C4orf51: variants seen among roughly 807,000 people sequenced by gnomAD.
C4orf51 encodes chromosome 4 open reading frame 51, also known as uncharacterized protein C4orf51.
A neutral mutation model predicts 25.2 loss-of-function variants in C4orf51; 25 were observed. The ratio of observed to expected loss-of-function variants is 0.99; its 90% CI spans 0.72 to 1.39. The LOEUF is 1.39. Ranked by LOEUF, C4orf51 falls within the 40% of genes most tolerant of loss-of-function variation. The pLI is 0.00. For missense variants in C4orf51, 252 were observed against 239.6 expected (o/e 1.05, Z -0.34); for synonymous variants, 100 against 84.5 (o/e 1.18, Z -1.01).
chr4:145,759,117 T>G (rs144217933), downstream of C4orf51: 130 of 152,342 alleles, frequency 8.5e-4, no homozygotes, highest in African/African-American at 3.0e-3. Context: ...ATGTTCCTCC[T>G]GTACACCAGT....
chr4:145,764,446 T>A (rs960495110), intron 1 of C4orf51, among the ~76,000 whole-genome samples: 1 of 152,218 alleles, frequency 6.6e-6, no homozygotes, highest in Non-Finnish European at 1.5e-5. Context: ...ATGCTCGTTG[T>A]CTAGATCTTG....
At chr4:145,691,555 G>A (rs2126672423) in intron 1 of C4orf51, among the ~76,000 whole-genome samples, 1 of 152,344 alleles carries the variant, frequency 6.6e-6, no homozygotes, top group African/African-American at 2.4e-5. Context: ...GTGCTGATTA[G>A]TGGTGGATTG....
intron 1 of C4orf51, among the ~76,000 whole-genome samples, chr4:145,743,110 A>G (rs1018970222): frequency 2.0e-5 from 3 of 152,212 alleles, no homozygotes; most frequent in African/African-American, 7.2e-5. Flanking sequence ...TAAGAAATAC[A>G]TGGTAAGGGT....
At chr4:145,779,434 C>T in the C4orf51 span, 24 of 1,614,044 alleles carry the variant, frequency 1.5e-5, no homozygotes, top group South Asian at 9.9e-5. Context: ...TTCCCACACA[C>T]GTCACAGGGA....
At chr4:145,768,553 T>C (rs969006385) in intron 1 of C4orf51, among the ~76,000 whole-genome samples, 5 of 151,986 alleles carry the variant, frequency 3.3e-5, no homozygotes, top group African/African-American at 1.2e-4. Flanking sequence ...ATGTCAATTA[T>C]CCACAGAATG....
chr4:145,774,134 A>C (rs1194096000), downstream of C4orf51, among the ~76,000 whole-genome samples: 2 of 152,166 alleles, frequency 1.3e-5, no homozygotes, highest in Non-Finnish European at 2.9e-5. Flanking sequence ...TGATAATAAT[A>C]GTATTCACTT....
At chr4:145,684,554 A>C (rs1168301723) in intron 1 of C4orf51, among the ~76,000 whole-genome samples, 1 of 152,194 alleles carries the variant, frequency 6.6e-6, no homozygotes, top group African/African-American at 2.4e-5. Context: ...TAATGAGATA[A>C]CATTACGCAC....
chr4:145,781,810 A>C, the C4orf51 span, among the ~76,000 whole-genome samples: 108 of 152,358 alleles, frequency 7.1e-4, no homozygotes, highest in Middle Eastern at 3.4e-3. Flanking sequence ...GGTAATAATT[A>C]TAAGGAGAGG....
At chr4:145,756,036 C>T (rs1162223074), downstream of C4orf51, among the ~76,000 whole-genome samples, 1 of 152,210 alleles carries the variant, frequency 6.6e-6, no homozygotes, top group African/African-American at 2.4e-5. Flanking sequence ...TTCGTCCCCA[C>T]AGACTGAAGG....
chr4:145,774,249 C>G (rs1430221084), downstream of C4orf51, among the ~76,000 whole-genome samples: 1 of 152,134 alleles, frequency 6.6e-6, no homozygotes, highest in African/African-American at 2.4e-5. Flanking sequence ...TCAGGATGAG[C>G]AACAAGCAAA....
At chr4:145,789,527 C>T in the C4orf51 span, among the ~76,000 whole-genome samples, 3 of 152,262 alleles carry the variant, frequency 2.0e-5, no homozygotes, top group South Asian at 2.1e-4. Context: ...ATGTATTAGA[C>T]ACTATTATTA....
At chr4:145,781,479 C>T in the C4orf51 span, among the ~76,000 whole-genome samples, 1 of 152,108 alleles carries the variant, frequency 6.6e-6, no homozygotes, top group Non-Finnish European at 1.5e-5. Flanking sequence ...CTGTGAGGCA[C>T]CTGCCAGCAA....
the C4orf51 span, among the ~76,000 whole-genome samples, chr4:145,781,522 A>G: frequency 1.6e-4 from 25 of 152,252 alleles, no homozygotes; most frequent in Admixed American, 1.6e-3. Context: ...GAACTGATTC[A>G]TCTGTGTTTG....
At chr4:145,687,002 T>TGG (rs138977901) in intron 1 of C4orf51, among the ~76,000 whole-genome samples, 2,797 of 123,124 alleles carry the variant, frequency 0.023, 32 homozygotes, top group South Asian at 0.089. Context: ...TTGGATCTTG[T>TGG]GGGGGGGGCG....
At chr4:145,772,250 C>G (rs949448824), downstream of C4orf51, among the ~76,000 whole-genome samples, 1 of 152,136 alleles carries the variant, frequency 6.6e-6, no homozygotes, top group Non-Finnish European at 1.5e-5. Flanking sequence ...AGGGCCTGCT[C>G]CAGGTGCTGA....
intron 1 of C4orf51, among the ~76,000 whole-genome samples, chr4:145,748,363 TA>T (rs1560866580): frequency 6.6e-6 from 1 of 152,172 alleles, no homozygotes; most frequent in African/African-American, 2.4e-5. Context: ...TGATCTTTTG[TA>T]TTGTTTTCTT....
chr4:145,745,320 A>ATTTTTTTTTTTTTTTTTTT (rs374600935), intron 1 of C4orf51, among the ~76,000 whole-genome samples: 1 of 135,326 alleles, frequency 7.4e-6, no homozygotes, highest in Non-Finnish European at 1.6e-5. Context: ...TTATTCATTC[A>ATTTTTTTTTTTTTTTTTTT]TTTTTTTTTT....
intron 2 of C4orf51, among the ~76,000 whole-genome samples, chr4:145,722,050 C>T (rs1486485223): frequency 6.6e-6 from 1 of 151,984 alleles, no homozygotes; most frequent in Non-Finnish European, 1.5e-5. Flanking sequence ...TTTATAATTA[C>T]CAAGTTAAGG....
the C4orf51 span, among the ~76,000 whole-genome samples, chr4:145,781,228 G>A: frequency 0.044 from 4,213 of 96,222 alleles, no homozygotes; most frequent in Middle Eastern, 0.086. Context: ...GAAAAAAAAA[G>A]AAAAAAAAAA....
Sources: gnomAD v4.1 joint callset for allele counts (sites outside exome capture counted in the v4.1 genomes callset) on GRCh38, gnomAD v4.1.1 for gene constraint, MANE v1.5 for transcripts, NCBI Gene and HGNC (gene_info 2026-07-23, HGNC 2026-07-21) for gene names.